The following ROBO1 variants were observed in gnomAD, a reference collection of about 807,000 sequenced individuals.
ROBO1 encodes roundabout guidance receptor 1.
ROBO1 carries 149 observed loss-of-function variants against 195.9 expected under a neutral mutation model. The ratio of observed to expected loss-of-function variants is 0.76; its 90% CI spans 0.67 to 0.87. The LOEUF is 0.87. Ranked by LOEUF, ROBO1 falls within the 40% of genes least tolerant of loss-of-function variation. ROBO1 has a pLI of 0.00. For missense variants in ROBO1, 1,933 were observed against 2,068.3 expected, an observed-to-expected ratio of 0.93 and a Z score of 1.27; for synonymous variants, 816 against 733.2, an observed-to-expected ratio of 1.11 and a Z score of -1.82.
chr3:79,099,993 C>T (rs940244539), intron 3 of ROBO1, among the ~76,000 whole-genome samples: 2 of 151,730 alleles, frequency 1.3e-5, no homozygotes, highest in African/African-American at 4.8e-5. Context: ...TGCTGGGTAG[C>T]TGTATGAAGT....
At chr3:78,671,663 C>T (rs533466390) in intron 10 of ROBO1, among the ~76,000 whole-genome samples, 3 of 151,844 alleles carry the variant, frequency 2.0e-5, no homozygotes, top group Non-Finnish European at 4.4e-5. Flanking sequence ...CATTTCCACT[C>T]TACTCTTCCA....
intron 3 of ROBO1, among the ~76,000 whole-genome samples, chr3:79,021,651 ATTTTTT>A (rs71127372): frequency 6.5e-5 from 5 of 76,904 alleles, no homozygotes; most frequent in Admixed American, 4.5e-4. Flanking sequence ...CCTAGAGATG[ATTTTTT>A]TTTTTTTTTT....
At chr3:79,154,061 A>G (rs1021718032) in intron 2 of ROBO1, among the ~76,000 whole-genome samples, 1 of 151,616 alleles carries the variant, frequency 6.6e-6, no homozygotes, top group African/African-American at 2.4e-5. Flanking sequence ...GACTTTAACA[A>G]TTTCTTTCTC....
At chr3:79,533,879 G>C (rs76396218) in intron 2 of ROBO1, among the ~76,000 whole-genome samples, 1 of 151,920 alleles carries the variant, frequency 6.6e-6, no homozygotes, top group Non-Finnish European at 1.5e-5. Context: ...CCCAATTCCT[G>C]GAAATTGTGA....
chr3:79,745,318 G>A (rs1169158664), intron 1 of ROBO1, among the ~76,000 whole-genome samples: 2 of 152,086 alleles, frequency 1.3e-5, no homozygotes, highest in South Asian at 2.1e-4. Flanking sequence ...GGAAATAATC[G>A]TATTAATGTA....
chr3:79,648,539 C>T (rs1945903257), intron 1 of ROBO1, among the ~76,000 whole-genome samples: 2 of 151,956 alleles, frequency 1.3e-5, no homozygotes, highest in South Asian at 4.2e-4. Context: ...TTTTTCTAGA[C>T]ATTGTATTTT....
At chr3:78,619,608 G>A (rs1245729025) in intron 26 of ROBO1, among the ~76,000 whole-genome samples, 1 of 151,864 alleles carries the variant, frequency 6.6e-6, no homozygotes, top group Non-Finnish European at 1.5e-5. Context: ...ACCTGGCAGA[G>A]GCAGGTGGAG....
At chr3:79,355,933 G>A (rs1011068648) in intron 2 of ROBO1, among the ~76,000 whole-genome samples, 2 of 152,178 alleles carry the variant, frequency 1.3e-5, no homozygotes, top group African/African-American at 4.8e-5. Flanking sequence ...AGACCTAGTA[G>A]TAGAATTGCT....
At chr3:78,684,159 T>C (rs773728427) in intron 10 of ROBO1, among the ~76,000 whole-genome samples, 1 of 152,074 alleles carries the variant, frequency 6.6e-6, no homozygotes, top group African/African-American at 2.4e-5. Flanking sequence ...CTGAAAATAC[T>C]CCATCAATAT....
chr3:79,196,918 GGAT>G, intron 2 of ROBO1, among the ~76,000 whole-genome samples: 1 of 151,508 alleles, frequency 6.6e-6, no homozygotes, highest in East Asian at 1.9e-4. Flanking sequence ...TGCATTAATT[GGAT>G]GATATCATGT....
chr3:78,836,000 G>C (rs1408087409), intron 4 of ROBO1, among the ~76,000 whole-genome samples: 1 of 152,000 alleles, frequency 6.6e-6, no homozygotes, highest in African/African-American at 2.4e-5. Flanking sequence ...TAGTGATGTG[G>C]GATTTTAGTA....
chr3:79,175,912 T>G (rs2081255501), intron 2 of ROBO1, among the ~76,000 whole-genome samples: 1 of 152,184 alleles, frequency 6.6e-6, no homozygotes, highest in South Asian at 2.1e-4. Flanking sequence ...AAATAAAAAT[T>G]ACAATTTTCC....
intron 2 of ROBO1, among the ~76,000 whole-genome samples, chr3:79,142,310 A>C (rs896344587): frequency 6.6e-6 from 1 of 152,146 alleles, no homozygotes; most frequent in African/African-American, 2.4e-5. Context: ...TGGCTGAAGA[A>C]GTCTATTAAT....
chr3:79,449,297 A>G (rs1449954621), intron 2 of ROBO1, among the ~76,000 whole-genome samples: 2 of 152,026 alleles, frequency 1.3e-5, no homozygotes, highest in Admixed American at 6.6e-5. Context: ...CAGATACAAT[A>G]AAATAGCAAA....
At chr3:78,675,349 C>A (rs188554193) in intron 10 of ROBO1, among the ~76,000 whole-genome samples, 1 of 152,044 alleles carries the variant, frequency 6.6e-6, no homozygotes, top group East Asian at 1.9e-4. Context: ...GTTCGCGAGC[C>A]GAAGCAGGGC....
At chr3:78,820,438 A>C (rs1046493777) in intron 4 of ROBO1, among the ~76,000 whole-genome samples, 1 of 152,220 alleles carries the variant, frequency 6.6e-6, no homozygotes, top group Non-Finnish European at 1.5e-5. Context: ...CCTGGATTCA[A>C]AGCCAAATTT....
At chr3:79,551,405 A>C (rs1942506891) in intron 2 of ROBO1, among the ~76,000 whole-genome samples, 1 of 151,832 alleles carries the variant, frequency 6.6e-6, no homozygotes, top group South Asian at 2.1e-4. Context: ...AGACACACCT[A>C]ATAAAATATA....
chr3:79,750,581 G>A (rs905493944), intron 1 of ROBO1, among the ~76,000 whole-genome samples: 3 of 152,090 alleles, frequency 2.0e-5, no homozygotes, highest in Non-Finnish European at 2.9e-5. Flanking sequence ...TTATGAGGGT[G>A]GGCCTTTCTT....
At chr3:79,153,039 G>A (rs776438004) in intron 2 of ROBO1, among the ~76,000 whole-genome samples, 9 of 151,732 alleles carry the variant, frequency 5.9e-5, no homozygotes, top group Non-Finnish European at 1.0e-4. Flanking sequence ...GACATTCAGT[G>A]GGACACAATC....
Sources: allele counts gnomAD v4.1 joint callset (sites outside exome capture counted in the v4.1 genomes callset), GRCh38; gene constraint gnomAD v4.1.1; transcripts MANE v1.5; gene names NCBI Gene and HGNC (gene_info 2026-07-23, HGNC 2026-07-21).